The following ERC2 variants were observed in gnomAD, a reference collection of about 807,000 sequenced individuals.
ERC2 encodes the protein ELKS/RAB6-interacting/CAST family member 2, also known as ERC protein 2.
Under a neutral mutation model 114.8 loss-of-function variants are expected in ERC2, and 42 were observed. That is an observed-to-expected ratio of 0.37 (90% CI 0.29 to 0.47). The LOEUF (loss-of-function observed/expected upper bound fraction) is 0.47, where lower values mean the gene tolerates loss of function less well. Among genes scored for constraint, ERC2 ranks in the 20% least tolerant of loss-of-function variants. The probability of loss-of-function intolerance (pLI) is 0.99; values close to 1 mark genes in which losing one functional copy is unlikely to be tolerated. For missense variants in ERC2, 939 were observed against 1,150.7 expected (o/e 0.82, Z 2.66); for synonymous variants, 454 against 425.5 (o/e 1.07, Z -0.82).
intron 12 of ERC2, among the ~76,000 whole-genome samples, chr3:55,957,987 C>T (rs9856301): frequency 0.094 from 14,242 of 152,226 alleles, 929 homozygotes; most frequent in East Asian, 0.24. Context: ...TGTTTCAGTC[C>T]TGTTTCTGTT....
chr3:56,204,665 G>A (rs925413142), intron 3 of ERC2, among the ~76,000 whole-genome samples: 5 of 151,742 alleles, frequency 3.3e-5, no homozygotes, highest in Admixed American at 1.3e-4. Flanking sequence ...ACCATGCCCA[G>A]CTACTTTTTG....
At chr3:56,096,595 G>C (rs1576915208) in intron 6 of ERC2, among the ~76,000 whole-genome samples, 1 of 152,170 alleles carries the variant, frequency 6.6e-6, no homozygotes, top group Admixed American at 6.5e-5. Flanking sequence ...TACAAGGTAG[G>C]TATTATTTAG....
chr3:55,799,450 CATAT>C (rs59209006), intron 14 of ERC2, among the ~76,000 whole-genome samples: 2,337 of 106,090 alleles, frequency 0.022, 110 homozygotes, highest in African/African-American at 0.089. Context: ...TATATATATG[CATAT>C]ATATATATAT....
rs140234427 is a variant in ERC2, at chr3:55,958,060, A to T, written c.2268-7500T>A. On this transcript the variant is annotated intron_variant, in intron 12 of 17. Transcript: ENST00000288221. ...TCTTGTCCCACTTCCAGGAAGAATGAAGTATATGGACAACTGGAGGGTGAG... is the reference window on the plus strand; with the variant it reads ...TCTTGTCCCACTTCCAGGAAGAATGTAGTATATGGACAACTGGAGGGTGAG... 4.5e-3 allele frequency among the ~76,000 whole-genome samples: 688 copies of T among 152,276 alleles called. 5 individuals are homozygous for T. Among genetic ancestry groups the T allele is most frequent in the African/African-American group, 0.016 (645 of 41,558 alleles).
chr3:56,051,823 TCAAACACACACA>T (rs2075781299), intron 7 of ERC2, among the ~76,000 whole-genome samples: 1 of 110,060 alleles, frequency 9.1e-6, no homozygotes, highest in Admixed American at 1.1e-4. Flanking sequence ...AGACTCCATC[TCAAACACACACA>T]CACACACACA....
chr3:56,131,746 T>G (rs1455850285), intron 6 of ERC2, among the ~76,000 whole-genome samples: 1 of 152,102 alleles, frequency 6.6e-6, no homozygotes, highest in Non-Finnish European at 1.5e-5. Flanking sequence ...TACAGCTAGA[T>G]AGGAGGAATA....
At chr3:55,610,573 A>T (rs1220349434) in intron 17 of ERC2, 1 of 150,362 alleles carries the variant, frequency 6.7e-6, no homozygotes, top group Non-Finnish European at 1.5e-5. Flanking sequence ...TGGTGGCACG[A>T]ACCTGTAGTA....
At chr3:56,130,562 A>G (rs556785321) in intron 6 of ERC2, among the ~76,000 whole-genome samples, 1 of 152,342 alleles carries the variant, frequency 6.6e-6, no homozygotes, top group Non-Finnish European at 1.5e-5. Context: ...TGAAAGCCTG[A>G]ACAACAATAA....
At chr3:55,599,913 T>C (rs1297081035) in intron 17 of ERC2, among the ~76,000 whole-genome samples, 2 of 152,198 alleles carry the variant, frequency 1.3e-5, no homozygotes, top group Non-Finnish European at 2.9e-5. Context: ...TGACAAATCA[T>C]ATCGCTCTCT....
chr3:55,697,032 C>T (rs923157472), intron 16 of ERC2, among the ~76,000 whole-genome samples: 2 of 152,218 alleles, frequency 1.3e-5, no homozygotes, highest in African/African-American at 4.8e-5. Flanking sequence ...TAAGTTGGAG[C>T]TACCTTTTAT....
chr3:56,005,376 AG>A (rs2072403351), intron 10 of ERC2, among the ~76,000 whole-genome samples: 1 of 152,054 alleles, frequency 6.6e-6, no homozygotes, highest in Non-Finnish European at 1.5e-5. Context: ...TGCGAGTCAA[AG>A]GAAACCACAC....
At chr3:56,437,622 A>C (rs1020516624) in intron 1 of ERC2, among the ~76,000 whole-genome samples, 3 of 152,206 alleles carry the variant, frequency 2.0e-5, no homozygotes, top group Non-Finnish European at 4.4e-5. Flanking sequence ...TAACTAAAGA[A>C]CTTCATTTCA....
At chr3:55,637,167 CCTT>C (rs879415648) in intron 17 of ERC2, among the ~76,000 whole-genome samples, 4 of 152,186 alleles carry the variant, frequency 2.6e-5, no homozygotes, top group South Asian at 4.1e-4. Flanking sequence ...GGAATGCTCC[CCTT>C]CTTTTCTTTC....
At chr3:55,590,256 T>C (rs138261834) in intron 17 of ERC2, among the ~76,000 whole-genome samples, 89 of 152,278 alleles carry the variant, frequency 5.8e-4, no homozygotes, top group African/African-American at 2.1e-3. Flanking sequence ...ATATCCAAAT[T>C]TGGCGAGGTT....
At chr3:56,165,136 C>T (rs2082256006) in intron 4 of ERC2, among the ~76,000 whole-genome samples, 1 of 151,906 alleles carries the variant, frequency 6.6e-6, no homozygotes, top group African/African-American at 2.4e-5. Flanking sequence ...AAACCTCCTT[C>T]CTGGCCCTCC....
intron 7 of ERC2, among the ~76,000 whole-genome samples, chr3:56,030,211 G>A (rs1283960174): frequency 2.0e-5 from 3 of 152,128 alleles, no homozygotes; most frequent in Admixed American, 6.5e-5. Flanking sequence ...TTGGTGAGGT[G>A]TGTTCTGCAA....
At chr3:56,021,903 C>T (rs939797244) in intron 7 of ERC2, among the ~76,000 whole-genome samples, 3 of 152,206 alleles carry the variant, frequency 2.0e-5, no homozygotes, top group African/African-American at 4.8e-5. Flanking sequence ...GACATTATCT[C>T]ATTCTTTTTT....
intron 1 of ERC2, among the ~76,000 whole-genome samples, chr3:56,436,733 T>C (rs2062038060): frequency 6.6e-6 from 1 of 152,182 alleles, no homozygotes; most frequent in Non-Finnish European, 1.5e-5. Flanking sequence ...ATACTAGGAC[T>C]CTAGTTGGAA....
At chr3:55,551,011 G>A (rs552612484) in intron 17 of ERC2, among the ~76,000 whole-genome samples, 7 of 137,188 alleles carry the variant, frequency 5.1e-5, no homozygotes, top group South Asian at 2.3e-4. Context: ...GCAAGACTCC[G>A]TCTCAAAAAA....
Sources: gnomAD v4.1 joint callset for allele counts (sites outside exome capture counted in the v4.1 genomes callset) on GRCh38, gnomAD v4.1.1 for gene constraint, MANE v1.5 for transcripts, NCBI Gene and HGNC (gene_info 2026-07-23, HGNC 2026-07-21) for gene names.